Variants in TRPV2 observed in about 807,000 individuals in gnomAD.
The protein encoded by TRPV2 is OTRPC2.
Under a neutral mutation model 91.0 loss-of-function variants are expected in TRPV2, and 58 were observed. The ratio of observed to expected loss-of-function variants is 0.64; its 90% CI spans 0.52 to 0.79. The LOEUF (loss-of-function observed/expected upper bound fraction) is 0.79, where lower values mean the gene tolerates loss of function less well. Among genes scored for constraint, TRPV2 ranks in the 30% least tolerant of loss-of-function variants. The pLI, the probability that TRPV2 is intolerant of heterozygous loss-of-function variation, is 0.00. For missense variants in TRPV2, 807 were observed against 969.6 expected (o/e 0.83, Z 2.23); for synonymous variants, 417 against 414.8 (o/e 1.01, Z -0.06).
intron 3 of TRPV2, 137 bp downstream of exon 3, chr17:16,420,385 G>A: frequency 1.7e-6 from 2 of 1,147,790 alleles, no homozygotes; most frequent in African/African-American, 1.5e-5. Flanking sequence ...ATGGCTGGGG[G>A]GCCCTGTGGA....
intron 14 of TRPV2, 25 bp downstream of exon 14, chr17:16,434,994 T>G: frequency 1.2e-6 from 2 of 1,600,182 alleles, no homozygotes; most frequent in Non-Finnish European, 1.7e-6. Context: ...GACTAGAGCC[T>G]CTGCCCTGGG....
rs372855524 is a variant in TRPV2, at chr17:16,432,001, G to A, written c.1690G>A (p.Glu564Lys). 8.1e-6 allele frequency: 13 copies of A among 1,606,522 alleles called. No homozygotes were observed. The highest frequency in any genetic ancestry group is 4.0e-5 in the African/African-American group (3 of 74,696). The change falls in exon 12 of 15, where the codon GAA becomes AAA. Residue 564 changes from glutamate (E) to lysine (K), a missense_variant. Coordinates refer to ENST00000338560, the MANE Select transcript of TRPV2 (RefSeq NM_016113.5). The stretch of plus-strand genomic sequence containing the variant: ...CCTGAGCCAGGAGGCTTGGCGCCCC[G>A]AAGCTCCTACAGGCCCCAATGCCAC... ...VSLSQEAWRP[E>K]APTGPNATES... is the part of the protein sequence containing the mutation.
intron 12 of TRPV2, 131 bp from the exon 13 acceptor site, chr17:16,433,443 C>A: frequency 7.5e-7 from 1 of 1,326,724 alleles, no homozygotes; most frequent in Non-Finnish European, 1.0e-6. Context: ...AGATTCGAAT[C>A]CGCGTGTTTA....
Position 16,434,879 on chromosome 17 carries a change from G to A in TRPV2, c.2115-11G>A. 1 of 1,610,570 alleles carries A rather than the reference G, an allele frequency of 6.2e-7. No individual in the cohort carries two copies. Among genetic ancestry groups the A allele is most frequent in the Non-Finnish European group, 8.5e-7 (1 of 1,178,930 alleles). On this transcript the variant is annotated splice_polypyrimidine_tract_variant and intron_variant, in intron 13 of 14. Transcript: ENST00000338560. ...AGCAGGCAAACCTCAGAGCTGCTCT[G>A]TTGCCCTCAGGGTGGAGGAGGTGAA...
At chr17:16,434,190 C>T (rs566075821) in intron 13 of TRPV2, among the ~76,000 whole-genome samples, 3 of 152,080 alleles carry the variant, frequency 2.0e-5, no homozygotes, top group East Asian at 3.9e-4. Flanking sequence ...CACTGTCGGC[C>T]GGGTGCAGTG....
rs570745386 is a variant in TRPV2, at chr17:16,424,963, TATATATA to T, written c.925-1135_925-1129del. Among the ~76,000 whole-genome samples the T allele has an allele frequency of 2.9e-3, 423 of 148,108 alleles. 1 individual carries two copies. The highest frequency in any genetic ancestry group is 0.01 in the African/African-American group (411 of 40,856). On this transcript the variant is annotated intron_variant, in intron 5 of 14. Transcript: ENST00000338560. ...TATACATTATATTATACATTATAATTATATATAGTATATATATAATCTTCATACCCAT... is the reference window on the plus strand; with the variant it reads ...TATACATTATATTATACATTATAATTGTATATATATAATCTTCATACCCAT...
chr17:16,433,724 T>C, intron 13 of TRPV2, 26 bp downstream of exon 13: 1 of 1,610,586 alleles, frequency 6.2e-7, no homozygotes, highest in South Asian at 1.1e-5. Flanking sequence ...GAGGGTCTCC[T>C]GGGGGCCTTG....
chr17:16,433,754 GC>G (rs779868619), intron 13 of TRPV2, 56 bp downstream of exon 13: 3 of 1,597,006 alleles, frequency 1.9e-6, no homozygotes, highest in Non-Finnish European at 2.6e-6. Flanking sequence ...AATCCCTGGG[GC>G]CCCCCTGCAG....
Position 16,421,300 on chromosome 17 carries a change from T to G in TRPV2, c.334+1052T>G, listed in dbSNP as rs556177079. 4.6e-5 allele frequency among the ~76,000 whole-genome samples: 7 copies of G among 151,604 alleles called. No homozygotes were observed. In the East Asian group the frequency reaches 1.4e-3, roughly 30 times the overall value. ...TCTCAGTTCACTGCAAAACTCCACC[T>G]CCCGGGCTCATGCCATTCTCCTGCC... On this transcript the variant is annotated intron_variant, in intron 3 of 14. Coordinates refer to ENST00000338560, the MANE Select transcript of TRPV2 (RefSeq NM_016113.5).
chr17:16,418,338 G>C (rs1394298698), intron 2 of TRPV2, among the ~76,000 whole-genome samples: 3 of 152,112 alleles, frequency 2.0e-5, no homozygotes, highest in Non-Finnish European at 4.4e-5. Context: ...CTTCTGCTTG[G>C]AGTCATCTGC....
intron 2 of TRPV2, among the ~76,000 whole-genome samples, chr17:16,419,051 G>T (rs936954106): frequency 2.6e-5 from 4 of 151,294 alleles, no homozygotes; most frequent in African/African-American, 9.7e-5. Flanking sequence ...AAAAGTGACG[G>T]ATCCCAACAA....
At chr17:16,429,466 G>A (rs953779057) in intron 10 of TRPV2, among the ~76,000 whole-genome samples, 9 of 152,112 alleles carry the variant, frequency 5.9e-5, no homozygotes, top group African/African-American at 2.2e-4. Context: ...GAAAACAACT[G>A]AGAACATTCC....
Position 16,420,359 on chromosome 17 carries a change from C to T in TRPV2, c.334+111C>T, listed in dbSNP as rs879081567. On this transcript the variant is annotated intron_variant, in intron 3 of 14. Transcript: ENST00000338560. ...GCTGAGGAGTGAGTGTTCTCAGCAG[C>T]CCTCCCACTGGAAGGATGGCTGGGG... The T allele has an allele frequency of 4.5e-6, 6 of 1,344,274 alleles. No homozygotes were observed. The South Asian group carries it at 8.8e-5, about 20-fold the overall frequency. 83.3% of individuals were successfully genotyped at this position (1,344,274 alleles called of 1,614,324 possible).
rs1236930251 is a variant in TRPV2 at position 16,428,839 on chromosome 17, G to C, written c.1444G>C (p.Val482Leu). Residue 482 changes from valine to leucine, a missense_variant, in exon 10 of 15, where the codon GTG becomes CTG. Physicochemically the swap from Val to Leu is conservative, Grantham distance 32. Coordinates refer to ENST00000338560, the MANE Select transcript of TRPV2 (RefSeq NM_016113.5). Reference protein sequence around the residue: ...ILFLFQALLTVVSQVLCFLAI... With the variant: ...ILFLFQALLTLVSQVLCFLAI... Reference sequence around the variant, plus strand: ...CAGCCTGTTCCAGGCCCTGCTCACAGTGGTGTCCCAGGTGCTGTGTTTCCT... The same window carrying C: ...CAGCCTGTTCCAGGCCCTGCTCACACTGGTGTCCCAGGTGCTGTGTTTCCT... 12 of 1,613,588 alleles carry C rather than the reference G, an allele frequency of 7.4e-6. No individual in the cohort carries two copies. Among genetic ancestry groups the C allele is most frequent in the Non-Finnish European group, 9.3e-6 (11 of 1,180,022 alleles).
intron 10 of TRPV2, among the ~76,000 whole-genome samples, chr17:16,431,040 T>C (rs573044523): frequency 6.6e-6 from 1 of 150,706 alleles, no homozygotes; most frequent in East Asian, 1.9e-4. Context: ...CTGGAAGGTT[T>C]TTTTTTTTTG....
chr17:16,425,576 C>T (rs1212764802), intron 5 of TRPV2, among the ~76,000 whole-genome samples: 1 of 152,178 alleles, frequency 6.6e-6, no homozygotes, highest in Non-Finnish European at 1.5e-5. Flanking sequence ...TTGGAGTGCT[C>T]CCTGGGGTGT....
Position 16,435,147 on chromosome 17 carries a change from C to G in TRPV2, c.2194+178C>G, listed in dbSNP as rs2093429991. On this transcript the variant is annotated intron_variant, in intron 14 of 14. Transcript: ENST00000338560. This position sits in a 1 kb window ranked among gnomAD's most constrained non-coding sequence, Gnocchi z 4.2. ...CCTTAAAACAGTGGTTCCCTCCTTT[C>G]CTTTCCACCCACACCTTGCTTTCAG... Among the ~76,000 whole-genome samples the G allele has an allele frequency of 1.3e-5, 2 of 152,158 alleles. No homozygotes were observed. Among genetic ancestry groups the G allele is most frequent in the Admixed American group, 1.3e-4 (2 of 15,282 alleles).
chr17:16,432,858 T>G (rs1600991104), intron 12 of TRPV2, among the ~76,000 whole-genome samples: 1 of 150,314 alleles, frequency 6.7e-6, no homozygotes, highest in Non-Finnish European at 1.5e-5. Context: ...CGGGCTGGAG[T>G]GCAATGGTGC....
chr17:16,434,545 G>A (rs117663005), intron 13 of TRPV2, among the ~76,000 whole-genome samples: 2 of 152,094 alleles, frequency 1.3e-5, no homozygotes, highest in East Asian at 3.9e-4. Flanking sequence ...GCAGAGAGAC[G>A]GAGTCTTGGG....
Sources: allele counts gnomAD v4.1 joint callset (sites outside exome capture counted in the v4.1 genomes callset), GRCh38; gene constraint gnomAD v4.1.1; non-coding constraint Gnocchi (gnomAD v3.1); transcripts MANE v1.5; gene names NCBI Gene and HGNC (gene_info 2026-07-23, HGNC 2026-07-21).